FRMD4A: variants seen among roughly 807,000 people sequenced by gnomAD.
FRMD4A encodes the protein FERM domain-containing protein 4A.
A neutral mutation model predicts 129.1 loss-of-function variants in FRMD4A; 29 were observed. The ratio of observed to expected loss-of-function variants is 0.22; its 90% CI spans 0.17 to 0.31. FRMD4A has a LOEUF of 0.31. Ranked by LOEUF, FRMD4A falls within the 10% of genes least tolerant of loss-of-function variation. FRMD4A has a pLI of 1.00. For missense variants in FRMD4A, 1,272 were observed against 1,375.8 expected (o/e 0.92, Z 1.19); for synonymous variants, 634 against 571.6 (o/e 1.11, Z -1.56).
At chr10:13,697,735 A>G (rs906138296) in intron 14 of FRMD4A, among the ~76,000 whole-genome samples, 1 of 152,164 alleles carries the variant, frequency 6.6e-6, no homozygotes, top group Non-Finnish European at 1.5e-5. Context: ...CAGGGAGAGA[A>G]AAAAAAAGAT....
chr10:14,209,378 T>A (rs767815091), intron 2 of FRMD4A, among the ~76,000 whole-genome samples: 1 of 152,116 alleles, frequency 6.6e-6, no homozygotes, highest in Non-Finnish European at 1.5e-5. Context: ...AATCTGTACA[T>A]GTAGTTAAAT....
chr10:13,960,737 G>A (rs2095441328), intron 2 of FRMD4A, among the ~76,000 whole-genome samples: 1 of 152,184 alleles, frequency 6.6e-6, no homozygotes, highest in Non-Finnish European at 1.5e-5. Context: ...AGTCTGTGTG[G>A]TAGTTGGGTG....
At chr10:13,704,808 C>A (rs766360057) in intron 13 of FRMD4A, among the ~76,000 whole-genome samples, 1 of 151,908 alleles carries the variant, frequency 6.6e-6, no homozygotes, top group Non-Finnish European at 1.5e-5. Flanking sequence ...CAGTGGCTCA[C>A]GCCTGTAATC....
At position 13,666,151 on chromosome 10, in the gene FRMD4A, T is replaced by A. The variant is rs148019821; in HGVS notation, c.1549A>T (p.Asn517Tyr). The change falls in exon 18 of 25, where the codon AAC becomes TAC. Residue 517 changes from asparagine (N) to tyrosine (Y), a missense_variant. Physicochemically the swap from Asn to Tyr is moderately radical, Grantham distance 143. This residue lies in a region of FRMD4A where 972 missense variants were observed against 892.3 expected (regional missense o/e 1.09). Transcript: ENST00000357447. ...LQEIENAINE[N>Y]RIKSGKKPTQ... ...GGTTTCTTCCCAGACTTGATGCGGT[T>A]CTCATTGATTGCATTTTCAATCTCC... 3 of 1,613,758 alleles carry A rather than the reference T, an allele frequency of 1.9e-6. No individual in the cohort carries two copies. The highest frequency in any genetic ancestry group is 2.7e-5 in the African/African-American group (2 of 75,032).
chr10:14,096,773 T>C (rs1241045667), intron 2 of FRMD4A, among the ~76,000 whole-genome samples: 1 of 152,106 alleles, frequency 6.6e-6, no homozygotes, highest in Non-Finnish European at 1.5e-5. Context: ...ATGGGAACAT[T>C]ACAACAATGC....
chr10:14,051,804 G>C (rs1248118332), intron 2 of FRMD4A, among the ~76,000 whole-genome samples: 1 of 152,246 alleles, frequency 6.6e-6, no homozygotes, highest in African/African-American at 2.4e-5. Context: ...AAAGGGCCCT[G>C]AGCAGGGCAG....
At chr10:14,116,151 A>G (rs553078538) in intron 2 of FRMD4A, among the ~76,000 whole-genome samples, 2 of 152,364 alleles carry the variant, frequency 1.3e-5, no homozygotes, top group South Asian at 4.1e-4. Flanking sequence ...CCTTCTGTGC[A>G]TGCAAATGGA....
chr10:14,281,772 T>C (rs1845527144), intron 2 of FRMD4A, among the ~76,000 whole-genome samples: 8 of 152,262 alleles, frequency 5.3e-5, no homozygotes, highest in Admixed American at 1.3e-4. Flanking sequence ...GCAGTGCAAC[T>C]GTCTGCCTTC....
intron 6 of FRMD4A, among the ~76,000 whole-genome samples, chr10:13,773,265 G>A (rs1285993507): frequency 6.6e-6 from 1 of 152,102 alleles, no homozygotes; most frequent in African/African-American, 2.4e-5. Flanking sequence ...CATAAAACCC[G>A]ACCTGCCCTT....
At chr10:13,700,411 C>T (rs1184155904) in intron 14 of FRMD4A, among the ~76,000 whole-genome samples, 1 of 152,206 alleles carries the variant, frequency 6.6e-6, no homozygotes, top group Non-Finnish European at 1.5e-5. Flanking sequence ...GTAAGTTGAG[C>T]ATCTTGCCAC....
At chr10:14,141,130 G>T (rs1005828659) in intron 2 of FRMD4A, among the ~76,000 whole-genome samples, 1 of 152,076 alleles carries the variant, frequency 6.6e-6, no homozygotes, top group African/African-American at 2.4e-5. Context: ...GTTCATCAGC[G>T]TCAGAGGCAG....
intron 15 of FRMD4A, among the ~76,000 whole-genome samples, chr10:13,682,115 G>A (rs1442141961): frequency 6.6e-6 from 1 of 151,908 alleles, no homozygotes; most frequent in Non-Finnish European, 1.5e-5. Flanking sequence ...TCTCAGCTAC[G>A]CTGGAGGCTG....
intron 3 of FRMD4A, among the ~76,000 whole-genome samples, chr10:13,857,547 C>A (rs1209905786): frequency 6.6e-6 from 1 of 152,080 alleles, no homozygotes; most frequent in Non-Finnish European, 1.5e-5. Flanking sequence ...TCATTTGAAT[C>A]CTATTAAAAG....
At chr10:13,670,642 G>A (rs968855573) in intron 16 of FRMD4A, 114 bp from the exon 17 acceptor site, 40 of 958,446 alleles carry the variant, frequency 4.2e-5, no homozygotes, top group Middle Eastern at 2.9e-4. Flanking sequence ...CATGCACTTC[G>A]ATACAGGTCA....
At chr10:13,908,424 TTG>T (rs781742289) in intron 2 of FRMD4A, among the ~76,000 whole-genome samples, 1 of 152,218 alleles carries the variant, frequency 6.6e-6, no homozygotes, top group African/African-American at 2.4e-5. Flanking sequence ...ATACACTGTT[TTG>T]TGTGTTTTTC....
Position 13,894,084 on chromosome 10 carries a change from A to T in FRMD4A, c.46-35172T>A, listed in dbSNP as rs79500907. Among the ~76,000 whole-genome samples the T allele has an allele frequency of 0.012, 1,891 of 152,118 alleles. 98 individuals are homozygous for T. The East Asian group carries it at 0.17, about 14-fold the overall frequency. The stretch of plus-strand genomic sequence containing the variant: ...TCACCTGATCATGGAGCCTGTCCTC[A>T]TAACTACCTCATGAAAAGTCATGAG... On this transcript the variant is annotated intron_variant, in intron 2 of 24. Coordinates refer to ENST00000357447, the MANE Select transcript of FRMD4A (RefSeq NM_018027.5).
intron 2 of FRMD4A, among the ~76,000 whole-genome samples, chr10:14,212,181 C>T (rs1842950948): frequency 6.6e-6 from 1 of 152,028 alleles, no homozygotes; most frequent in Non-Finnish European, 1.5e-5. Flanking sequence ...CTATGGGATC[C>T]CCACTAACAA....
chr10:14,087,601 GC>G (rs1179023098), intron 2 of FRMD4A: 1 of 152,090 alleles, frequency 6.6e-6, no homozygotes, highest in East Asian at 1.9e-4. Context: ...CTTCATTAGT[GC>G]CCTGGCTCCT....
chr10:13,802,625 A>C (rs2093278378), intron 4 of FRMD4A, among the ~76,000 whole-genome samples: 2 of 152,046 alleles, frequency 1.3e-5, no homozygotes, highest in Admixed American at 1.3e-4. Context: ...GTAATTAAAA[A>C]AAAAGGTTTT....
Sources: allele counts gnomAD v4.1 joint callset (sites outside exome capture counted in the v4.1 genomes callset), GRCh38; gene constraint gnomAD v4.1.1; regional missense constraint gnomAD v4.1.1; transcripts MANE v1.5; gene names NCBI Gene and HGNC (gene_info 2026-07-23, HGNC 2026-07-21).